The following SPAG17 variants were observed in gnomAD, a reference collection of about 807,000 sequenced individuals.
SPAG17 encodes sperm-associated antigen 17.
In SPAG17, 169 loss-of-function variants were observed where a neutral mutation model predicts 273.6. The observed-to-expected ratio is 0.62, with a 90% CI of 0.55 to 0.70. SPAG17 has a LOEUF of 0.70. Among genes scored for constraint, SPAG17 ranks in the 30% least tolerant of loss-of-function variants. The probability of loss-of-function intolerance (pLI) is 0.00; values close to 1 mark genes in which losing one functional copy is unlikely to be tolerated. For missense variants in SPAG17, 2,557 were observed against 2,627.8 expected (o/e 0.97, Z 0.59); for synonymous variants, 825 against 873.2 (o/e 0.94, Z 0.97).
chr1:118,126,203 C>CCT (rs1553253565), intron 3 of SPAG17, among the ~76,000 whole-genome samples: 26 of 110,580 alleles, frequency 2.4e-4, no homozygotes, highest in African/African-American at 6.6e-4. Context: ...ATCCTTTATC[C>CCT]TTTTTTTTTT....
intron 32 of SPAG17, among the ~76,000 whole-genome samples, chr1:117,999,338 C>G (rs937143710): frequency 6.6e-6 from 1 of 152,090 alleles, no homozygotes; most frequent in Non-Finnish European, 1.5e-5. Flanking sequence ...CCTTTGGGTG[C>G]ATACCCAGTA....
intron 3 of SPAG17, among the ~76,000 whole-genome samples, chr1:118,121,969 AAT>A (rs1657447316): frequency 6.6e-6 from 1 of 152,200 alleles, no homozygotes; most frequent in South Asian, 2.1e-4. Context: ...TTTATTATTA[AAT>A]ATGTCATATT....
rs775530612 is a variant in SPAG17, at chr1:118,099,682, A to G, written c.753T>C (p.Ser251=). Residue 251 remains serine, a synonymous_variant, in exon 6 of 49, where the codon TCT becomes TCC. Transcript: ENST00000336338. ...GIPITSVIKI[S]SENYEPLQTH... ...TCTGCAGAGGTTCATAATTCTCTGA[A>G]GATATTTTAATCACGCTGGTTATAG... is the stretch of plus-strand genomic sequence containing the variant. The G allele has an allele frequency of 6.2e-7, 1 of 1,614,074 alleles. No homozygotes were observed. Among genetic ancestry groups the G allele is most frequent in the South Asian group, 1.1e-5 (1 of 91,080 alleles).
At chr1:118,142,054 T>C (rs779652690) in intron 3 of SPAG17, among the ~76,000 whole-genome samples, 1 of 150,836 alleles carries the variant, frequency 6.6e-6, no homozygotes, top group Non-Finnish European at 1.5e-5. Context: ...CCCACGTTCA[T>C]AGCAGAGCTA....
At chr1:118,162,399 A>G (rs1454758789) in intron 1 of SPAG17, among the ~76,000 whole-genome samples, 4 of 152,324 alleles carry the variant, frequency 2.6e-5, no homozygotes, top group African/African-American at 9.6e-5. Context: ...TAATACTTAG[A>G]GCAGAAAGTC....
At chr1:118,140,549 C>T (rs10923500) in intron 3 of SPAG17, among the ~76,000 whole-genome samples, 11,468 of 152,176 alleles carry the variant, frequency 0.075, 564 homozygotes, top group East Asian at 0.26. Flanking sequence ...TTTATTCAGT[C>T]TCTCAGGCCA....
intron 3 of SPAG17, among the ~76,000 whole-genome samples, chr1:118,135,405 G>A (rs143697168): frequency 1.9e-4 from 27 of 145,046 alleles, no homozygotes; most frequent in East Asian, 8.1e-4. Flanking sequence ...GTGTGTGTGT[G>A]TGTGTATGTG....
chr1:118,007,095 A>G (rs1051626573), intron 31 of SPAG17, among the ~76,000 whole-genome samples: 2 of 151,920 alleles, frequency 1.3e-5, no homozygotes, highest in Non-Finnish European at 2.9e-5. Context: ...TTGAATCACA[A>G]ACTTTTTTTT....
At chr1:117,991,640 C>T (rs1657089596) in intron 36 of SPAG17, 112 bp from the exon 37 acceptor site, 1 of 597,188 alleles carries the variant, frequency 1.7e-6, no homozygotes, top group African/African-American at 1.9e-5. Flanking sequence ...TATAGGTTTA[C>T]AGTGCTCAAC....
chr1:117,958,928 C>T, intron 48 of SPAG17: 1 of 1,613,812 alleles, frequency 6.2e-7, no homozygotes, highest in South Asian at 1.1e-5. Flanking sequence ...TTGGACAGAT[C>T]ACTAGCAATC....
At chr1:117,986,897 C>T (rs1032415626) in intron 40 of SPAG17, among the ~76,000 whole-genome samples, 16 of 152,160 alleles carry the variant, frequency 1.1e-4, no homozygotes, top group Non-Finnish European at 2.4e-4. Context: ...TTCTGACCTT[C>T]CCCTGAAGCA....
chr1:118,136,749 A>G (rs1658381324), intron 3 of SPAG17, among the ~76,000 whole-genome samples: 5 of 151,618 alleles, frequency 3.3e-5, no homozygotes. Context: ...AACCTCACCA[A>G]TGCATTTTCC....
At chr1:118,152,131 C>T (rs879854645) in intron 1 of SPAG17, among the ~76,000 whole-genome samples, 1 of 151,956 alleles carries the variant, frequency 6.6e-6, no homozygotes, top group African/African-American at 2.4e-5. Context: ...TGAACACTAA[C>T]AATTTTAGGG....
chr1:117,959,078 G>A, intron 48 of SPAG17: 1 of 1,469,722 alleles, frequency 6.8e-7, no homozygotes, highest in South Asian at 1.2e-5. Context: ...AGTATGCTGT[G>A]CTTTGTCTTT....
chr1:118,082,680 T>C (rs1017957705), intron 13 of SPAG17, among the ~76,000 whole-genome samples: 1 of 152,066 alleles, frequency 6.6e-6, no homozygotes, highest in Non-Finnish European at 1.5e-5. Flanking sequence ...ATAAAAGAGA[T>C]GACAAAAAGA....
chr1:118,177,332 T>C (rs1558064056), intron 1 of SPAG17, among the ~76,000 whole-genome samples: 1 of 152,102 alleles, frequency 6.6e-6, no homozygotes, highest in Non-Finnish European at 1.5e-5. Flanking sequence ...GGAACAGCCT[T>C]TTATAAAACC....
rs759540173 is a variant in SPAG17, at chr1:118,151,381, C to A, written c.88-12G>T. On this transcript the variant is annotated splice_polypyrimidine_tract_variant and intron_variant, in intron 1 of 48. Coordinates refer to ENST00000336338, the MANE Select transcript of SPAG17 (RefSeq NM_206996.4). ...GCCTGCCAATCGTTCTATTAAAAAT[C>A]AGACGGAATTAGATTTTAAATATTC... 1 of 1,609,478 alleles carries A rather than the reference C, an allele frequency of 6.2e-7. No individual in the cohort carries two copies. Among genetic ancestry groups the A allele is most frequent in the Admixed American group, 1.7e-5 (1 of 59,686 alleles).
intron 43 of SPAG17, among the ~76,000 whole-genome samples, chr1:117,980,445 T>C (rs1037942010): frequency 9.2e-5 from 14 of 152,212 alleles, no homozygotes; most frequent in Admixed American, 2.0e-4. Flanking sequence ...TTGGCCAGTC[T>C]GGTCTTGCAC....
chr1:117,959,207 GC>G, intron 48 of SPAG17: 1 of 1,497,512 alleles, frequency 6.7e-7, no homozygotes, highest in Non-Finnish European at 9.0e-7. Context: ...AACACCTGAA[GC>G]TTTGGTTACC....
Sources: allele counts gnomAD v4.1 joint callset (sites outside exome capture counted in the v4.1 genomes callset), GRCh38; gene constraint gnomAD v4.1.1; transcripts MANE v1.5; gene names NCBI Gene and HGNC (gene_info 2026-07-23, HGNC 2026-07-21).